ADAMTSL1: variants seen among roughly 807,000 people sequenced by gnomAD.
ADAMTSL1 encodes the protein ADAMTS like 1.
In ADAMTSL1, 126 loss-of-function variants were observed where a neutral mutation model predicts 201.8. The observed-to-expected ratio is 0.62, with a 90% CI of 0.54 to 0.72. ADAMTSL1 has a LOEUF of 0.72. Among genes scored for constraint, ADAMTSL1 ranks in the 30% least tolerant of loss-of-function variants. The pLI is 0.00. For synonymous variants in ADAMTSL1, 1,121 were observed against 903.4 expected (o/e 1.24, Z -4.32); for missense variants, 2,679 against 2,277.8 (o/e 1.18, Z -3.59).
chr9:18,659,844 A>G (rs928389910), intron 8 of ADAMTSL1, among the ~76,000 whole-genome samples: 28 of 152,170 alleles, frequency 1.8e-4, no homozygotes, highest in African/African-American at 6.3e-4. Flanking sequence ...CCATGGGAAT[A>G]CATTATTTTG....
intron 15 of ADAMTSL1, chr9:18,723,556 C>T (rs534578029): frequency 6.2e-6 from 1 of 162,170 alleles, no homozygotes; most frequent in Admixed American, 6.0e-5. Flanking sequence ...GACTCACAGA[C>T]AAGAACAGTT....
At chr9:18,682,090 T>C (rs1224031998) in intron 12 of ADAMTSL1, 131 bp downstream of exon 12, 3 of 1,076,220 alleles carry the variant, frequency 2.8e-6, no homozygotes, top group East Asian at 5.3e-5. Flanking sequence ...TAAACTCTAC[T>C]AAAGGAATTT....
At chr9:18,779,019 G>A (rs1821225731) in intron 19 of ADAMTSL1, among the ~76,000 whole-genome samples, 1 of 152,152 alleles carries the variant, frequency 6.6e-6, no homozygotes, top group African/African-American at 2.4e-5. Context: ...TGGTAAGGAA[G>A]GAAAGAAGCC....
intron 2 of ADAMTSL1, among the ~76,000 whole-genome samples, chr9:18,406,169 C>T (rs1818183534): frequency 6.6e-6 from 1 of 152,126 alleles, no homozygotes; most frequent in Admixed American, 6.5e-5. Context: ...TCTAGTTTTC[C>T]ATTGCTGAAT....
intron 20 of ADAMTSL1, among the ~76,000 whole-genome samples, chr9:18,810,279 C>T (rs922827537): frequency 1.6e-4 from 25 of 152,148 alleles, no homozygotes; most frequent in African/African-American, 5.8e-4. Context: ...TGCATGCATT[C>T]CAAGGTGAGC....
intron 2 of ADAMTSL1, among the ~76,000 whole-genome samples, chr9:18,343,210 T>A (rs534550728): frequency 5.3e-5 from 8 of 152,098 alleles, no homozygotes; most frequent in South Asian, 4.1e-4. Flanking sequence ...GAGTGGTTAG[T>A]TTTGTAGGTC....
upstream of ADAMTSL1, among the ~76,000 whole-genome samples, chr9:18,469,545 A>C (rs1054043904): frequency 2.0e-5 from 3 of 152,276 alleles, no homozygotes; most frequent in Admixed American, 2.0e-4. Flanking sequence ...ACAGAAACAC[A>C]TCACCATGGG....
At chr9:18,283,843 C>A (rs368372331) in intron 2 of ADAMTSL1, among the ~76,000 whole-genome samples, 1 of 144,340 alleles carries the variant, frequency 6.9e-6, no homozygotes, top group African/African-American at 2.6e-5. Flanking sequence ...ACCCAGGAGG[C>A]GGAGCTTGCA....
intron 1 of ADAMTSL1, among the ~76,000 whole-genome samples, chr9:17,933,485 A>G (rs1479031397): frequency 1.3e-5 from 2 of 152,134 alleles, no homozygotes; most frequent in Non-Finnish European, 2.9e-5. Context: ...ATTCTGCATA[A>G]TATTGTGGTC....
At chr9:18,493,554 G>C (rs1370030851) in intron 1 of ADAMTSL1, among the ~76,000 whole-genome samples, 4 of 152,208 alleles carry the variant, frequency 2.6e-5, no homozygotes, top group African/African-American at 9.6e-5. Context: ...TCTAGGACTT[G>C]GATAAAGCTA....
At chr9:18,507,527 T>C (rs1483068535) in intron 2 of ADAMTSL1, among the ~76,000 whole-genome samples, 1 of 152,182 alleles carries the variant, frequency 6.6e-6, no homozygotes, top group East Asian at 1.9e-4. Flanking sequence ...GTAATTGCAG[T>C]TTTTGCTATT....
intron 2 of ADAMTSL1, among the ~76,000 whole-genome samples, chr9:18,518,449 G>C (rs981665481): frequency 1.3e-5 from 2 of 152,126 alleles, no homozygotes; most frequent in Non-Finnish European, 2.9e-5. Context: ...ATGGCCTCCA[G>C]CTCCATCCAT....
intron 3 of ADAMTSL1, among the ~76,000 whole-genome samples, chr9:18,537,844 A>G (rs1390865982): frequency 6.6e-6 from 1 of 151,164 alleles, no homozygotes; most frequent in Non-Finnish European, 1.5e-5. Flanking sequence ...ACTGCACTCA[A>G]GACTGGAAGA....
chr9:18,421,280 ACT>A (rs1389704955), intron 2 of ADAMTSL1, among the ~76,000 whole-genome samples: 1 of 152,120 alleles, frequency 6.6e-6, no homozygotes, highest in East Asian at 1.9e-4. Flanking sequence ...CATTTGAGTA[ACT>A]CTGCAATACC....
intron 23 of ADAMTSL1, among the ~76,000 whole-genome samples, chr9:18,835,410 A>G (rs376487693): frequency 9.2e-5 from 14 of 152,260 alleles, no homozygotes; most frequent in Admixed American, 6.5e-4. Context: ...TGTCCCAGTC[A>G]GCAGCTATAT....
At chr9:18,874,602 A>G (rs1342734637) in intron 23 of ADAMTSL1, among the ~76,000 whole-genome samples, 3 of 152,198 alleles carry the variant, frequency 2.0e-5, no homozygotes, top group Non-Finnish European at 4.4e-5. Flanking sequence ...ATATTAAACC[A>G]TGCCTGCATC....
intron 2 of ADAMTSL1, among the ~76,000 whole-genome samples, chr9:18,359,407 T>TA (rs1275023929): frequency 6.6e-6 from 1 of 152,194 alleles, no homozygotes; most frequent in East Asian, 1.9e-4. Context: ...ACCAGGGACT[T>TA]ACAGTTTAAC....
chr9:18,067,602 G>T (rs145451612), intron 1 of ADAMTSL1, among the ~76,000 whole-genome samples: 2 of 152,282 alleles, frequency 1.3e-5, no homozygotes, highest in African/African-American at 4.8e-5. Context: ...TTTTCTTGAG[G>T]CCATTACCTA....
chr9:18,747,210 C>G (rs183880082), intron 15 of ADAMTSL1, among the ~76,000 whole-genome samples: 2 of 152,144 alleles, frequency 1.3e-5, no homozygotes, highest in Non-Finnish European at 2.9e-5. Flanking sequence ...CTCTTGTTTA[C>G]GAGCTGTGTG....
Sources: allele counts gnomAD v4.1 joint callset (sites outside exome capture counted in the v4.1 genomes callset), GRCh38; gene constraint gnomAD v4.1.1; transcripts MANE v1.5; gene names NCBI Gene and HGNC (gene_info 2026-07-23, HGNC 2026-07-21).